The following FBXL7 variants were observed in gnomAD, a reference collection of about 807,000 sequenced individuals.
FBXL7 encodes the protein F-box and leucine rich repeat protein 7, also known as F-box/LRR-repeat protein 7.
FBXL7 carries 12 observed loss-of-function variants against 38.3 expected under a neutral mutation model. The observed-to-expected ratio is 0.31, with a 90% CI of 0.20 to 0.51. The LOEUF (loss-of-function observed/expected upper bound fraction) is 0.51. Among genes scored for constraint, FBXL7 ranks in the 20% least tolerant of loss-of-function variants. The pLI is 0.98. For synonymous variants in FBXL7, 297 were observed against 300.9 expected (o/e 0.99, Z 0.13); for missense variants, 567 against 676.4 (o/e 0.84, Z 1.79).
intron 2 of FBXL7, among the ~76,000 whole-genome samples, chr5:15,918,480 T>C (rs1741657192): frequency 6.6e-6 from 1 of 152,218 alleles, no homozygotes; most frequent in Admixed American, 6.5e-5. Flanking sequence ...TACATTTCAT[T>C]GATATACTTA....
chr5:15,541,543 CTT>C (rs1173509531), intron 1 of FBXL7, among the ~76,000 whole-genome samples: 2 of 91,346 alleles, frequency 2.2e-5, no homozygotes, highest in South Asian at 3.3e-4. Flanking sequence ...ACTCACTCCT[CTT>C]TTTTTTTTTT....
intron 2 of FBXL7, among the ~76,000 whole-genome samples, chr5:15,807,117 A>G (rs1205735281): frequency 6.6e-6 from 1 of 152,000 alleles, no homozygotes; most frequent in Non-Finnish European, 1.5e-5. Context: ...ACGCCTGGCT[A>G]ATATCTGTAT....
Position 15,937,472 on chromosome 5 carries a change from C to G in FBXL7, c.*286C>G, listed in dbSNP as rs577602681. On this transcript the variant is annotated 3_prime_UTR_variant, in exon 4 of 4. Coordinates refer to ENST00000504595, the MANE Select transcript of FBXL7 (RefSeq NM_012304.5). ...GCTGATCGCTGTTCCTTGAGCAAGGCGCTTACTCTCCTCCGCTCAGGCCCC... is the reference window on the plus strand; with the variant it reads ...GCTGATCGCTGTTCCTTGAGCAAGGGGCTTACTCTCCTCCGCTCAGGCCCC... The G allele has an allele frequency of 5.6e-6, 2 of 356,324 alleles. No homozygotes were observed. The highest frequency in any genetic ancestry group is 4.2e-5 in the African/African-American group (2 of 48,032). The allele number at this position is 356,324 out of a possible 1,614,324, so 22.1% of individuals were successfully genotyped here. A position where few individuals can be genotyped will look rare whatever the true frequency, so the allele number is the denominator to read the frequency against.
At chr5:15,732,553 A>C (rs1331769825) in intron 2 of FBXL7, among the ~76,000 whole-genome samples, 2 of 152,164 alleles carry the variant, frequency 1.3e-5, no homozygotes, top group Non-Finnish European at 2.9e-5. Flanking sequence ...GAATGTCTGC[A>C]TTTATTTATT....
rs1322484322 is a variant in FBXL7 at position 15,598,759 on chromosome 5, C to T, written c.38-17224C>T. On this transcript the variant is annotated intron_variant, in intron 1 of 3. Coordinates refer to ENST00000504595, the MANE Select transcript of FBXL7 (RefSeq NM_012304.5). ...CCAATGAATAACTTTGATCATTTAT[C>T]TGCCCCTCACTCCCCCTCCTTGTCT... Among the ~76,000 whole-genome samples, 7 of 152,300 alleles carry T rather than the reference C, an allele frequency of 4.6e-5. No homozygotes were observed. The East Asian group carries it at 1.2e-3, about 25-fold the overall frequency.
intron 2 of FBXL7, among the ~76,000 whole-genome samples, chr5:15,692,324 T>C (rs1378551337): frequency 6.6e-6 from 1 of 152,190 alleles, no homozygotes; most frequent in Non-Finnish European, 1.5e-5. Flanking sequence ...TTAGCCCTTG[T>C]TATTAGCAAA....
chr5:15,813,111 A>G (rs1003127592), intron 2 of FBXL7, among the ~76,000 whole-genome samples: 70 of 152,186 alleles, frequency 4.6e-4, no homozygotes, highest in African/African-American at 1.6e-3. Flanking sequence ...TACTATTTCA[A>G]TACCTTTATT....
chr5:15,692,263 A>T (rs1262342476), intron 2 of FBXL7, among the ~76,000 whole-genome samples: 1 of 152,216 alleles, frequency 6.6e-6, no homozygotes, highest in Non-Finnish European at 1.5e-5. Context: ...TAACTGAGGT[A>T]ATGCATTTAA....
In FBXL7 at chr5:15,625,671, AACCAG is replaced by A. The variant is rs1248264840; in HGVS notation, c.127+9602_127+9606del. Among the ~76,000 whole-genome samples, 9 of 152,306 alleles carry A rather than the reference AACCAG, an allele frequency of 5.9e-5. No homozygotes were observed. In the East Asian group the frequency reaches 1.7e-3, roughly 29 times the overall value. ...TCTGTCTCAAAAAAACCAACCAGCC[AACCAG>A]ACAAACAAACAAAAGCCAAATCAAA... On this transcript the variant is annotated intron_variant, in intron 2 of 3. Coordinates refer to ENST00000504595, the MANE Select transcript of FBXL7 (RefSeq NM_012304.5).
In FBXL7 at chr5:15,936,365, G is replaced by C. The variant is rs965059043; in HGVS notation, c.740-85G>C. 76 of 1,500,828 alleles carry C rather than the reference G, an allele frequency of 5.1e-5. No homozygotes were observed. The highest frequency in any genetic ancestry group is 4.9e-4 in the Admixed American group (24 of 49,246). The allele number at this position is 1,500,828 out of a possible 1,614,324, so 93.0% of individuals were successfully genotyped here. On this transcript the variant is annotated intron_variant, in intron 3 of 3. Transcript: ENST00000504595. This position sits in a 1 kb window ranked among gnomAD's most constrained non-coding sequence, Gnocchi z 6.0. ...CAGCCTCGGACCCAGACTTGGGCGA[G>C]GGTCAGGAATGCCCCAGGGCATCCC...
chr5:15,577,594 TTGTGTGTGTG>T (rs34405217), intron 1 of FBXL7, among the ~76,000 whole-genome samples: 4,775 of 147,622 alleles, frequency 0.032, 229 homozygotes, highest in African/African-American at 0.1. Flanking sequence ...GTAATGCATT[TTGTGTGTGTG>T]TGTGTGTGTG....
chr5:15,604,560 G>A (rs938773526), intron 1 of FBXL7, among the ~76,000 whole-genome samples: 1 of 152,042 alleles, frequency 6.6e-6, no homozygotes, highest in Non-Finnish European at 1.5e-5. Context: ...TCGCCATGTT[G>A]GTCAGGCTGA....
chr5:15,841,459 C>T (rs1180886426), intron 2 of FBXL7, among the ~76,000 whole-genome samples: 1 of 151,994 alleles, frequency 6.6e-6, no homozygotes, highest in Non-Finnish European at 1.5e-5. Context: ...AATCTTTCAG[C>T]AGAATCCAGA....
rs374401434 is a variant in FBXL7, at chr5:15,534,388, A to G, written c.37+33675A>G. On this transcript the variant is annotated intron_variant, in intron 1 of 3. Transcript: ENST00000504595. ...CTGCCCTCTCCATTTTGCCTTTTTC[A>G]GAGTGTCATGTAGTTGAAATCATAT... Among the ~76,000 whole-genome samples, 24 of 151,986 alleles carry G rather than the reference A, an allele frequency of 1.6e-4. No individual in the cohort carries two copies. The East Asian group carries it at 4.1e-3, about 26-fold the overall frequency.
At chr5:15,665,614 C>G (rs1456945126) in intron 2 of FBXL7, among the ~76,000 whole-genome samples, 4 of 152,124 alleles carry the variant, frequency 2.6e-5, no homozygotes, top group African/African-American at 9.7e-5. Context: ...GTTTTATGAA[C>G]AGACTACGAT....
At chr5:15,806,009 C>A (rs1737701886) in intron 2 of FBXL7, among the ~76,000 whole-genome samples, 1 of 152,064 alleles carries the variant, frequency 6.6e-6, no homozygotes, top group African/African-American at 2.4e-5. Flanking sequence ...ACTTAAAAAA[C>A]CTCATAATCA....
intron 2 of FBXL7, among the ~76,000 whole-genome samples, chr5:15,739,753 A>G (rs1043023329): frequency 2.0e-5 from 3 of 152,184 alleles, no homozygotes; most frequent in Non-Finnish European, 4.4e-5. Context: ...TAAATTTACA[A>G]TGTATTATTT....
intron 2 of FBXL7, among the ~76,000 whole-genome samples, chr5:15,790,577 A>C (rs1185593632): frequency 2.0e-5 from 3 of 152,164 alleles, no homozygotes; most frequent in Non-Finnish European, 4.4e-5. Flanking sequence ...GAACCTAGTC[A>C]TTGGCCAAAT....
chr5:15,698,792 A>T (rs1171775402), intron 2 of FBXL7, among the ~76,000 whole-genome samples: 1 of 152,222 alleles, frequency 6.6e-6, no homozygotes, highest in African/African-American at 2.4e-5. Context: ...AAATCAAAGG[A>T]TAGCTTAAAT....
Sources: gnomAD v4.1 joint callset for allele counts (sites outside exome capture counted in the v4.1 genomes callset) on GRCh38, gnomAD v4.1.1 for gene constraint, Gnocchi (gnomAD v3.1) non-coding constraint, MANE v1.5 for transcripts, NCBI Gene and HGNC (gene_info 2026-07-23, HGNC 2026-07-21) for gene names.